The following TOX2 variants were observed in gnomAD, a reference collection of about 807,000 sequenced individuals.
The protein encoded by TOX2 is TOX high mobility group box family member 2, also known as granulosa cell HMG box 1.
TOX2 carries 15 observed loss-of-function variants against 47.4 expected under a neutral mutation model. That is an observed-to-expected ratio of 0.32 (90% confidence interval 0.21 to 0.49). The LOEUF is 0.49. TOX2 is among the 20% of genes least tolerant of loss of function. The pLI, the probability that TOX2 is intolerant of heterozygous loss-of-function variation, is 0.99. For synonymous variants in TOX2, 290 were observed against 296.6 expected (o/e 0.98, Z 0.23); for missense variants, 622 against 673.1 (o/e 0.92, Z 0.84).
intron 1 of TOX2, among the ~76,000 whole-genome samples, chr20:43,961,254 A>C (rs906248184): frequency 1.3e-5 from 2 of 152,142 alleles, no homozygotes; most frequent in African/African-American, 2.4e-5. Context: ...GTGGAGACAC[A>C]GCTGCTGCAG....
At chr20:44,064,739 C>T (rs376762280) in intron 5 of TOX2, 38 bp from the exon 6 acceptor site, 9 of 1,602,640 alleles carry the variant, frequency 5.6e-6, no homozygotes. Flanking sequence ...TCCTCTGTAA[C>T]TTTCTCCCCA....
intron 1 of TOX2, among the ~76,000 whole-genome samples, chr20:43,927,765 C>A (rs1262577932): frequency 7.7e-6 from 1 of 130,670 alleles, no homozygotes; most frequent in Non-Finnish European, 1.6e-5. Flanking sequence ...CCTTCCCTCC[C>A]TCCCTCCCTC....
intron 1 of TOX2, among the ~76,000 whole-genome samples, chr20:43,951,433 C>T (rs763059860): frequency 9.9e-5 from 15 of 152,002 alleles, no homozygotes; most frequent in African/African-American, 3.1e-4. Flanking sequence ...AAAAATTAGC[C>T]GGGTATGGTG....
chr20:43,939,492 G>C (rs1014362841), intron 1 of TOX2, among the ~76,000 whole-genome samples: 4 of 152,214 alleles, frequency 2.6e-5, no homozygotes, highest in African/African-American at 9.6e-5. Context: ...ACCCAGCCAG[G>C]GGGAGGGGAT....
chr20:43,914,942 G>A lies in TOX2; in HGVS notation c.51G>A (p.Gly17=). ...PSAPAVGARP[G]AEPAGLAHLD... ...CGCCCGCGGTGGGCGCGCGGCCCGG[G>A]GCCGAGCCGGCCGGCCTGGCGCACC... The change falls in exon 1 of 9, where the codon GGG becomes GGA. Residue 17 remains glycine, a synonymous_variant. Coordinates refer to ENST00000341197, the MANE Select transcript of TOX2 (RefSeq NM_001098797.2). The surrounding 1 kb of genome is among the most constrained non-coding windows in gnomAD (Gnocchi z 4.5). 2 of 1,243,132 alleles carry A rather than the reference G, an allele frequency of 1.6e-6. No homozygotes were observed. Among genetic ancestry groups the A allele is most frequent in the Admixed American group, 4.1e-5 (1 of 24,658 alleles). The allele number at this position is 1,243,132 out of a possible 1,614,324, so 77.0% of individuals were successfully genotyped here. A position where few individuals can be genotyped will look rare whatever the true frequency, so the allele number is the denominator to read the frequency against.
At chr20:44,009,443 A>T (rs1166218494) in intron 3 of TOX2, among the ~76,000 whole-genome samples, 1 of 151,940 alleles carries the variant, frequency 6.6e-6, no homozygotes, top group African/African-American at 2.4e-5. Context: ...TTCTCCAGAA[A>T]TTTTTTCCTC....
intron 5 of TOX2, among the ~76,000 whole-genome samples, chr20:44,056,431 G>T (rs2071618083): frequency 6.6e-6 from 1 of 152,162 alleles, no homozygotes; most frequent in Admixed American, 6.5e-5. Flanking sequence ...GTTTGGTGGG[G>T]GGATTTCCTT....
In TOX2 at chr20:43,939,693, C is replaced by G. The variant is rs562352868; in HGVS notation, c.99+24703C>G. 8.5e-5 allele frequency among the ~76,000 whole-genome samples: 13 copies of G among 152,190 alleles called. 1 individual carries two copies. The highest frequency in any genetic ancestry group is 1.9e-4 in the Non-Finnish European group (13 of 68,020). On this transcript the variant is annotated intron_variant, in intron 1 of 8. Coordinates refer to ENST00000341197, the MANE Select transcript of TOX2 (RefSeq NM_001098797.2). Reference sequence around the variant, plus strand: ...TTAAACTGACCCTGCAGCTTAGAAGCTGTGTGGCCTCAAGAGCTTACTTAA... The same window carrying G: ...TTAAACTGACCCTGCAGCTTAGAAGGTGTGTGGCCTCAAGAGCTTACTTAA...
chr20:43,987,610 AC>A (rs2070289051), intron 2 of TOX2, among the ~76,000 whole-genome samples: 1 of 152,332 alleles, frequency 6.6e-6, no homozygotes, highest in Admixed American at 6.5e-5. Context: ...AGGGAAGGGA[AC>A]CTAGCCAGGT....
intron 5 of TOX2, among the ~76,000 whole-genome samples, chr20:44,062,010 G>A (rs1039240202): frequency 1.3e-5 from 2 of 151,754 alleles, no homozygotes; most frequent in African/African-American, 4.9e-5. Flanking sequence ...TAAATCCAGA[G>A]CCAACATTAC....
chr20:43,970,201 A>G (rs2069940240), intron 1 of TOX2, among the ~76,000 whole-genome samples: 1 of 152,188 alleles, frequency 6.6e-6, no homozygotes. Context: ...ATCTCTCCCC[A>G]GCTGTGTGAT....
chr20:43,959,133 C>T (rs2145420929), intron 1 of TOX2, among the ~76,000 whole-genome samples: 1 of 152,296 alleles, frequency 6.6e-6, no homozygotes, highest in South Asian at 2.1e-4. Context: ...GGGGAGCTGG[C>T]CTTTCTCTGC....
intron 5 of TOX2, among the ~76,000 whole-genome samples, chr20:44,061,637 G>A (rs1435225746): frequency 6.6e-6 from 1 of 151,984 alleles, no homozygotes; most frequent in Admixed American, 6.6e-5. Context: ...ACAAGAGAAA[G>A]AAAGAGCATC....
chr20:44,057,582 C>T lies in TOX2; in HGVS notation c.879+3056C>T, dbSNP rs369585285. On this transcript the variant is annotated intron_variant, in intron 5 of 8. Coordinates refer to ENST00000341197, the MANE Select transcript of TOX2 (RefSeq NM_001098797.2). ...TCAAATCATCAAAGAGCTAATAATT[C>T]CAAGACTTAGAAAAATAAGAAAACC... 1.7e-4 allele frequency among the ~76,000 whole-genome samples: 26 copies of T among 152,292 alleles called. No homozygotes were observed. The South Asian group carries it at 4.6e-3, about 27-fold the overall frequency.
chr20:43,941,418 C>T (rs1423953859), intron 1 of TOX2, among the ~76,000 whole-genome samples: 4 of 151,668 alleles, frequency 2.6e-5, no homozygotes, highest in East Asian at 1.9e-4. Flanking sequence ...CTGCAACCTC[C>T]GCCTCCCAGG....
intron 3 of TOX2, among the ~76,000 whole-genome samples, chr20:44,016,856 A>G (rs1340503178): frequency 6.6e-6 from 1 of 152,184 alleles, no homozygotes; most frequent in Middle Eastern, 3.2e-3. Context: ...TCAACCATAA[A>G]ATTTAAAGGT....
At chr20:43,917,506 G>C (rs1471137450) in intron 1 of TOX2, among the ~76,000 whole-genome samples, 2 of 152,174 alleles carry the variant, frequency 1.3e-5, no homozygotes, top group African/African-American at 4.8e-5. Flanking sequence ...CAAGAGGCTC[G>C]TTGCACAGGG....
chr20:44,010,027 G>A (rs2070754268), intron 3 of TOX2, among the ~76,000 whole-genome samples: 1 of 152,194 alleles, frequency 6.6e-6, no homozygotes, highest in South Asian at 2.1e-4. Context: ...AAGTGTATCG[G>A]AGATAATGTA....
At chr20:43,996,690 T>C (rs1206942135) in intron 2 of TOX2, among the ~76,000 whole-genome samples, 1 of 152,048 alleles carries the variant, frequency 6.6e-6, no homozygotes, top group East Asian at 1.9e-4. Context: ...TGACTTCCTG[T>C]TAATGTGTTT....
Sources: gnomAD v4.1 joint callset for allele counts (sites outside exome capture counted in the v4.1 genomes callset) on GRCh38, gnomAD v4.1.1 for gene constraint, Gnocchi (gnomAD v3.1) non-coding constraint, MANE v1.5 for transcripts, NCBI Gene and HGNC (gene_info 2026-07-23, HGNC 2026-07-21) for gene names.